ZNF280D: variants seen among roughly 807,000 people sequenced by gnomAD.
ZNF280D encodes the protein suppressor of hairy wing homolog 4.
ZNF280D carries 39 observed loss-of-function variants against 94.7 expected under a neutral mutation model. The ratio of observed to expected loss-of-function variants is 0.41; its 90% confidence interval spans 0.32 to 0.54. The LOEUF (loss-of-function observed/expected upper bound fraction) is 0.54. Ranked by LOEUF, ZNF280D falls within the 20% of genes least tolerant of loss-of-function variation. The pLI is 0.22. For missense variants in ZNF280D, 1,090 were observed against 1,149.3 expected (o/e 0.95, Z 0.75); for synonymous variants, 398 against 377.6 (o/e 1.05, Z -0.63).
chr15:56,707,956 C>T (rs539237738), intron 1 of ZNF280D, among the ~76,000 whole-genome samples: 2 of 151,812 alleles, frequency 1.3e-5, no homozygotes, highest in East Asian at 3.9e-4. Flanking sequence ...TTTTTAAAAA[C>T]TATTTGAATT....
intron 10 of ZNF280D, 136 bp from the exon 11 acceptor site, chr15:56,678,957 G>C: frequency 1.4e-6 from 1 of 740,262 alleles, no homozygotes; most frequent in Non-Finnish European, 2.0e-6. Flanking sequence ...AGTTGCCTAG[G>C]AAAGTATGCA....
At chr15:56,686,878 A>C (rs2056057825) in intron 9 of ZNF280D, among the ~76,000 whole-genome samples, 1 of 152,184 alleles carries the variant, frequency 6.6e-6, no homozygotes, top group African/African-American at 2.4e-5. Flanking sequence ...TAATGTATTT[A>C]AAGCTTAGTA....
At chr15:56,695,550 A>C (rs1470034390) in intron 6 of ZNF280D, among the ~76,000 whole-genome samples, 1 of 15,416 alleles carries the variant, frequency 6.5e-5, no homozygotes, top group Non-Finnish European at 1.7e-4. Flanking sequence ...TTTTTTTTTG[A>C]GACGGAGTCT....
intron 6 of ZNF280D, among the ~76,000 whole-genome samples, chr15:56,694,938 A>T (rs1450418925): frequency 2.0e-5 from 3 of 152,156 alleles, no homozygotes; most frequent in Admixed American, 1.3e-4. Context: ...TCTGTGTCTA[A>T]TATTAGTTTG....
intron 14 of ZNF280D, 81 bp downstream of exon 14, chr15:56,668,742 A>T: frequency 7.8e-7 from 1 of 1,289,894 alleles, no homozygotes; most frequent in East Asian, 2.7e-5. Flanking sequence ...TCATTTAAAA[A>T]TACATTCAAT....
chr15:56,687,563 T>C (rs1037113556), intron 9 of ZNF280D, among the ~76,000 whole-genome samples: 1 of 152,274 alleles, frequency 6.6e-6, no homozygotes, highest in Non-Finnish European at 1.5e-5. Context: ...GACACAGAGA[T>C]AAGATTCTTC....
At chr15:56,652,227 TTTAACTGGTCATCTAAACCGGCC>T (rs1179226442) in intron 19 of ZNF280D, among the ~76,000 whole-genome samples, 1 of 152,152 alleles carries the variant, frequency 6.6e-6, no homozygotes, top group African/African-American at 2.4e-5. Flanking sequence ...CTAAACCGGC[TTTAACTGGTCATCTAAACCGGCC>T]TGCCTATCCT....
chr15:56,653,028 A>G (rs2053300567), intron 19 of ZNF280D: 4 of 961,998 alleles, frequency 4.2e-6, no homozygotes, highest in Non-Finnish European at 4.9e-6. Flanking sequence ...TTTTTAAAAA[A>G]TCAAAATGCA....
At chr15:56,675,403 TAAAG>T (rs1257984249) in intron 13 of ZNF280D, among the ~76,000 whole-genome samples, 8 of 151,180 alleles carry the variant, frequency 5.3e-5, no homozygotes, top group Non-Finnish European at 1.0e-4. Flanking sequence ...ATTCTGTTCA[TAAAG>T]AAATGCACTA....
At position 56,669,900 on chromosome 15, in the gene ZNF280D, ATAATATATATATATTATATATATATT is replaced by A. The variant is rs2054615961; in HGVS notation, c.1411-969_1411-944del. ...ATATATATATATATTATATATATAT[ATAATATATATATATTATATATATATT>A]ATATATATATTATATATATATATTA... On this transcript the variant is annotated intron_variant, in intron 13 of 21. Coordinates refer to ENST00000267807, the MANE Select transcript of ZNF280D (RefSeq NM_017661.4). Among the ~76,000 whole-genome samples, 11 of 7,522 alleles carry A rather than the reference ATAATATATATATATTATATATATATT, an allele frequency of 1.5e-3. 2 individuals carry two copies. The highest frequency in any genetic ancestry group is 5.4e-3 in the South Asian group (1 of 184). The allele number at this position is 7,522 out of a possible 152,430, so 4.9% of individuals were successfully genotyped here. A position where few individuals can be genotyped will look rare whatever the true frequency, so the allele number is the denominator to read the frequency against.
intron 1 of ZNF280D, among the ~76,000 whole-genome samples, chr15:56,723,286 A>C (rs974697500): frequency 1.3e-5 from 2 of 152,162 alleles, no homozygotes; most frequent in Non-Finnish European, 2.9e-5. Context: ...TATCAATACA[A>C]TGTAGCATTA....
chr15:56,682,164 G>C (rs1453594864), intron 10 of ZNF280D, 90 bp downstream of exon 10: 1 of 918,992 alleles, frequency 1.1e-6, no homozygotes, highest in Admixed American at 3.2e-5. Context: ...CACTTACCTA[G>C]AATGGCATAG....
At chr15:56,725,284 A>G (rs1394354659) in intron 1 of ZNF280D, among the ~76,000 whole-genome samples, 1 of 152,042 alleles carries the variant, frequency 6.6e-6, no homozygotes, top group Non-Finnish European at 1.5e-5. Context: ...GATCAAAAAA[A>G]GATGTGTGGT....
At chr15:56,697,335 C>T (rs1309445849) in intron 6 of ZNF280D, among the ~76,000 whole-genome samples, 1 of 152,172 alleles carries the variant, frequency 6.6e-6, no homozygotes, top group Non-Finnish European at 1.5e-5. Context: ...CAGGCGCCCA[C>T]CACCATGCCC....
intron 1 of ZNF280D, among the ~76,000 whole-genome samples, chr15:56,731,959 C>T (rs1231796620): frequency 2.0e-5 from 3 of 152,136 alleles, no homozygotes; most frequent in Non-Finnish European, 2.9e-5. Flanking sequence ...AGCTTGAGCC[C>T]AGGAGTCTGA....
intron 17 of ZNF280D, among the ~76,000 whole-genome samples, chr15:56,655,220 C>T (rs1303079200): frequency 6.6e-6 from 1 of 152,214 alleles, no homozygotes; most frequent in African/African-American, 2.4e-5. Context: ...CATCTCAGCA[C>T]TGTGAACTAG....
rs2054285033 is a variant in ZNF280D, at chr15:56,666,382, T to C, written c.1994+13A>G. ...AATTTTAATTGGCAATTTACACATT[T>C]AATTCATCTTACCTCATCATATGAT... On this transcript the variant is annotated intron_variant, in intron 16 of 21. Coordinates refer to ENST00000267807, the MANE Select transcript of ZNF280D (RefSeq NM_017661.4). The C allele has an allele frequency of 6.2e-7, 1 of 1,601,144 alleles. No individual in the cohort carries two copies.
intron 19 of ZNF280D, among the ~76,000 whole-genome samples, chr15:56,647,588 G>A (rs1346841560): frequency 6.6e-6 from 1 of 152,122 alleles, no homozygotes; most frequent in Non-Finnish European, 1.5e-5. Flanking sequence ...CTGGAGTGCA[G>A]TGGTATGATC....
intron 16 of ZNF280D, among the ~76,000 whole-genome samples, chr15:56,665,698 C>A (rs537077930): frequency 2.9e-5 from 1 of 34,072 alleles, no homozygotes; most frequent in Non-Finnish European, 1.0e-4. Flanking sequence ...AGCGAGACTC[C>A]GTCTCAAAAA....
Sources: gnomAD v4.1 joint callset for allele counts (sites outside exome capture counted in the v4.1 genomes callset) on GRCh38, gnomAD v4.1.1 for gene constraint, MANE v1.5 for transcripts, NCBI Gene and HGNC (gene_info 2026-07-23, HGNC 2026-07-21) for gene names.